Variants in NEBL observed in about 807,000 individuals in gnomAD.
NEBL encodes the protein LIM and SH3 protein 2.
Under a neutral mutation model 140.2 loss-of-function variants are expected in NEBL, and 122 were observed. The ratio of observed to expected loss-of-function variants is 0.87; its 90% CI spans 0.75 to 1.01. The LOEUF (loss-of-function observed/expected upper bound fraction) is 1.01, where lower values mean the gene tolerates loss of function less well. Among genes scored for constraint, NEBL ranks in the 50% least tolerant of loss-of-function variants. The pLI is 0.00. For missense variants in NEBL, 1,365 were observed against 1,231.3 expected, an observed-to-expected ratio of 1.11 and a Z score of -1.62; for synonymous variants, 436 against 398.9, an observed-to-expected ratio of 1.09 and a Z score of -1.11.
chr10:20,954,067 A>G (rs889690754), intron 4 of NEBL, among the ~76,000 whole-genome samples: 3 of 151,710 alleles, frequency 2.0e-5, no homozygotes, highest in African/African-American at 7.3e-5. Context: ...CCCTGGATAT[A>G]GAGAAAGTAA....
chr10:20,857,349 T>C (rs1420012206), intron 9 of NEBL, among the ~76,000 whole-genome samples: 1 of 152,172 alleles, frequency 6.6e-6, no homozygotes, highest in Non-Finnish European at 1.5e-5. Flanking sequence ...TTTCTAAGTC[T>C]AGGCCCATCA....
At chr10:20,913,592 A>G (rs1315167817) in intron 4 of NEBL, among the ~76,000 whole-genome samples, 2 of 152,230 alleles carry the variant, frequency 1.3e-5, no homozygotes, top group African/African-American at 4.8e-5. Flanking sequence ...AAAAAGTACA[A>G]AAACCAAGTG....
intron 1 of NEBL, among the ~76,000 whole-genome samples, chr10:21,259,084 T>A (rs1472750280): frequency 1.3e-5 from 2 of 151,496 alleles, no homozygotes; most frequent in Non-Finnish European, 2.9e-5. Flanking sequence ...TTTTTTTTTT[T>A]AATAGCTTTT....
At chr10:20,884,832 C>T (rs1028991653) in intron 4 of NEBL, among the ~76,000 whole-genome samples, 2 of 152,240 alleles carry the variant, frequency 1.3e-5, no homozygotes, top group Non-Finnish European at 2.9e-5. Context: ...TGAGAAGGAT[C>T]TCGCCACCTC....
chr10:20,895,698 A>G (rs1847415703), intron 2 of NEBL, among the ~76,000 whole-genome samples: 1 of 152,238 alleles, frequency 6.6e-6, no homozygotes, highest in Admixed American at 6.5e-5. Flanking sequence ...AAGGGTAATT[A>G]CATCACATGT....
chr10:21,040,237 G>A (rs1377058082), intron 2 of NEBL, among the ~76,000 whole-genome samples: 3 of 152,078 alleles, frequency 2.0e-5, no homozygotes, highest in African/African-American at 7.2e-5. Context: ...ATGGTGGCGG[G>A]TGCCTGTAAT....
chr10:21,263,554 T>G (rs955498856), intron 1 of NEBL, among the ~76,000 whole-genome samples: 1 of 152,206 alleles, frequency 6.6e-6, no homozygotes, highest in Non-Finnish European at 1.5e-5. Context: ...GTGTGTGCTC[T>G]CCTATCTCCC....
chr10:21,253,193 C>T (rs762372250), intron 1 of NEBL, among the ~76,000 whole-genome samples: 13 of 152,152 alleles, frequency 8.5e-5, no homozygotes, highest in Non-Finnish European at 1.3e-4. Context: ...ATCGCTTGAA[C>T]GAGGGAGGCG....
chr10:20,940,787 A>G lies in NEBL; in HGVS notation c.357+20885T>C, dbSNP rs1201537377. ...CAATCCCACAGAAATACAAACTACC[A>G]TCAGAGAATACTATAAACACCTCTA... On this transcript the variant is annotated intron_variant, in intron 4 of 6. Transcript: ENST00000417816. Among the ~76,000 whole-genome samples the G allele has an allele frequency of 3.9e-5, 6 of 152,246 alleles. No individual in the cohort carries two copies. In the East Asian group the frequency reaches 1.2e-3, roughly 29 times the overall value.
At chr10:20,940,844 G>T (rs898015428) in intron 4 of NEBL, among the ~76,000 whole-genome samples, 2 of 152,132 alleles carry the variant, frequency 1.3e-5, no homozygotes, top group African/African-American at 2.4e-5. Context: ...AGAAGAAATG[G>T]ATAAATTCCT....
chr10:21,143,304 C>T (rs1468487745), intron 2 of NEBL, among the ~76,000 whole-genome samples: 2 of 151,804 alleles, frequency 1.3e-5, no homozygotes, highest in Non-Finnish European at 2.9e-5. Context: ...CAAAAATTAG[C>T]TGGGCGTGGT....
chr10:21,106,515 T>A (rs2132005327), intron 2 of NEBL, among the ~76,000 whole-genome samples: 1 of 152,336 alleles, frequency 6.6e-6, no homozygotes, highest in East Asian at 1.9e-4. Flanking sequence ...GTGTTGTTTC[T>A]GAGGCCTCTG....
At chr10:20,809,410 C>T (rs1239098590) in intron 25 of NEBL, among the ~76,000 whole-genome samples, 1 of 151,982 alleles carries the variant, frequency 6.6e-6, no homozygotes, top group African/African-American at 2.4e-5. Flanking sequence ...ATCTATGATG[C>T]CCTGTAAAAA....
chr10:20,792,331 T>G (rs913904634), intron 26 of NEBL, among the ~76,000 whole-genome samples: 17 of 152,226 alleles, frequency 1.1e-4, no homozygotes, highest in Admixed American at 3.3e-4. Flanking sequence ...TTTCTAACAC[T>G]TGACTACTGT....
chr10:20,997,637 T>C (rs942388800), intron 3 of NEBL, among the ~76,000 whole-genome samples: 2 of 152,024 alleles, frequency 1.3e-5, no homozygotes, highest in African/African-American at 2.4e-5. Context: ...TCTAATATAA[T>C]TGGGTACTTT....
chr10:20,909,246 ATT>A (rs1026623656), intron 4 of NEBL, among the ~76,000 whole-genome samples: 9 of 141,464 alleles, frequency 6.4e-5, no homozygotes, highest in Admixed American at 7.1e-5. Context: ...CGTTCATTCT[ATT>A]TTTTTTTTTT....
intron 4 of NEBL, among the ~76,000 whole-genome samples, chr10:20,881,531 A>G (rs1846015801): frequency 6.6e-6 from 1 of 152,224 alleles, no homozygotes; most frequent in Admixed American, 6.5e-5. Context: ...ACCAAACTCA[A>G]CCACAAAGTT....
chr10:21,291,225 G>A (rs1275385501), intron 1 of NEBL, among the ~76,000 whole-genome samples: 4 of 152,070 alleles, frequency 2.6e-5, no homozygotes, highest in Non-Finnish European at 5.9e-5. Context: ...GCTAAGAGAG[G>A]CCAGGCGCAG....
chr10:21,164,906 T>A (rs1840700407), intron 2 of NEBL, among the ~76,000 whole-genome samples: 1 of 152,232 alleles, frequency 6.6e-6, no homozygotes, highest in Non-Finnish European at 1.5e-5. Flanking sequence ...TTTAATTTTT[T>A]CCATGAGGTA....
Sources: gnomAD v4.1 joint callset for allele counts (sites outside exome capture counted in the v4.1 genomes callset) on GRCh38, gnomAD v4.1.1 for gene constraint, MANE v1.5 for transcripts, NCBI Gene and HGNC (gene_info 2026-07-23, HGNC 2026-07-21) for gene names.